CTNNA2: variants seen among roughly 807,000 people sequenced by gnomAD.
The protein encoded by CTNNA2 is catenin alpha-2.
In CTNNA2, 42 loss-of-function variants were observed where a neutral mutation model predicts 101.0. The ratio of observed to expected loss-of-function variants is 0.42; its 90% CI spans 0.32 to 0.54. The LOEUF (loss-of-function observed/expected upper bound fraction) is 0.54. Among genes scored for constraint, CTNNA2 ranks in the 20% least tolerant of loss-of-function variants. The pLI, the probability that CTNNA2 is intolerant of heterozygous loss-of-function variation, is 0.14. For missense variants in CTNNA2, 871 were observed against 1,223.1 expected, an observed-to-expected ratio of 0.71 and a Z score of 4.29; for synonymous variants, 450 against 456.4, an observed-to-expected ratio of 0.99 and a Z score of 0.18.
At chr2:80,630,339 C>G (rs1420473732) in intron 18 of CTNNA2, among the ~76,000 whole-genome samples, 3 of 152,062 alleles carry the variant, frequency 2.0e-5, no homozygotes, top group African/African-American at 4.8e-5. Context: ...TTTACCTAGT[C>G]TCTCTGTCTC....
intron 1 of CTNNA2, chr2:79,548,173 A>G (rs1380948825): frequency 6.6e-6 from 1 of 152,212 alleles, no homozygotes; most frequent in East Asian, 1.9e-4. Flanking sequence ...CCTGATGACC[A>G]CTAAACTAAA....
At chr2:79,401,271 A>G (rs778611236) in intron 4 of CTNNA2, among the ~76,000 whole-genome samples, 1 of 151,610 alleles carries the variant, frequency 6.6e-6, no homozygotes, top group Non-Finnish European at 1.5e-5. Context: ...ATACCCACAA[A>G]TTTGTTTTTA....
chr2:79,937,339 T>A (rs977959874), intron 7 of CTNNA2, among the ~76,000 whole-genome samples: 2 of 152,170 alleles, frequency 1.3e-5, no homozygotes, highest in African/African-American at 4.8e-5. Context: ...AATTTAGAAA[T>A]GAAATTTGAG....
intron 18 of CTNNA2, among the ~76,000 whole-genome samples, chr2:80,622,687 T>A (rs2149810481): frequency 6.6e-6 from 1 of 152,002 alleles, no homozygotes; most frequent in African/African-American, 2.4e-5. Flanking sequence ...TGCTGTAGAC[T>A]TGCAGAAGAT....
chr2:79,761,464 C>T (rs577286119), intron 3 of CTNNA2, among the ~76,000 whole-genome samples: 1 of 152,250 alleles, frequency 6.6e-6, no homozygotes, highest in Admixed American at 6.5e-5. Flanking sequence ...TCTCTTTGTA[C>T]TTGTGCTCTC....
chr2:79,917,204 T>TGG (rs1409824554), intron 7 of CTNNA2, among the ~76,000 whole-genome samples: 3 of 152,068 alleles, frequency 2.0e-5, no homozygotes, highest in Non-Finnish European at 4.4e-5. Context: ...GCCGAGTAGC[T>TGG]GGGACTACAG....
chr2:80,586,404 A>C (rs1368828413), intron 14 of CTNNA2: 2 of 152,122 alleles, frequency 1.3e-5, no homozygotes, highest in Non-Finnish European at 2.9e-5. Flanking sequence ...AGTTTTACGG[A>C]TTCTTTTTCA....
intron 9 of CTNNA2, among the ~76,000 whole-genome samples, chr2:80,491,792 A>G (rs1055320478): frequency 1.3e-5 from 2 of 152,160 alleles, no homozygotes; most frequent in African/African-American, 4.8e-5. Flanking sequence ...AGGACTCAGA[A>G]GTTTGATCTC....
intron 7 of CTNNA2, among the ~76,000 whole-genome samples, chr2:80,079,996 A>G (rs1427276069): frequency 6.6e-6 from 1 of 152,090 alleles, no homozygotes; most frequent in African/African-American, 2.4e-5. Context: ...TAGAATCAGG[A>G]TTTGATTAAA....
intron 7 of CTNNA2, among the ~76,000 whole-genome samples, chr2:80,356,921 C>T (rs1673870037): frequency 6.6e-6 from 1 of 152,172 alleles, no homozygotes; most frequent in South Asian, 2.1e-4. Flanking sequence ...CTATGGATCT[C>T]CTCAAAAGGC....
At position 80,569,631 on chromosome 2, in the gene CTNNA2, A is replaced by G. The variant is rs1451353752; in HGVS notation, c.1742-4532A>G. Among the ~76,000 whole-genome samples the G allele has an allele frequency of 2.7e-4, 12 of 43,828 alleles. No individual in the cohort carries two copies. In the East Asian group the frequency reaches 7.8e-3, roughly 28 times the overall value. 28.8% of individuals were successfully genotyped at this position (43,828 alleles called of 152,430 possible). ...TCTCAGTATTACTTTTGGGGTATTT[A>G]GGTTTTTTTTTTTTTTTTTTTTTTT... On this transcript the variant is annotated intron_variant, in intron 12 of 18. Transcript: ENST00000402739.
rs1042493242 is a variant in CTNNA2, at chr2:79,287,084, C to T, written c.-405-25625C>T. Among the ~76,000 whole-genome samples the T allele has an allele frequency of 2.4e-4, 37 of 152,292 alleles. 1 individual carries two copies. In the South Asian group the frequency reaches 5.4e-3, roughly 22 times the overall value. On this transcript the variant is annotated intron_variant, in intron 2 of 21. Transcript: ENST00000466387. ...ACTTCTGCATTCTTCACGTAGTTCT[C>T]GAGCCTTGGTTTTCAGCTCCATCAG... is the stretch of plus-strand genomic sequence containing the variant.
At chr2:79,443,170 T>C (rs1678795330) in intron 4 of CTNNA2, among the ~76,000 whole-genome samples, 1 of 152,148 alleles carries the variant, frequency 6.6e-6, no homozygotes, top group African/African-American at 2.4e-5. Flanking sequence ...TGAAGAATTC[T>C]GACAAAATTA....
At chr2:80,011,585 C>A (rs1349541488) in intron 7 of CTNNA2, among the ~76,000 whole-genome samples, 1 of 106,650 alleles carries the variant, frequency 9.4e-6, no homozygotes, top group Non-Finnish European at 2.4e-5. Context: ...AGATGAGTGT[C>A]CAGTGAGGGA....
intron 4 of CTNNA2, among the ~76,000 whole-genome samples, chr2:79,493,227 G>A (rs1284325196): frequency 3.3e-5 from 5 of 152,082 alleles, no homozygotes; most frequent in Non-Finnish European, 2.9e-5. Context: ...AGGAGGGAAG[G>A]GGAGGGGAGG....
chr2:80,539,491 G>T (rs766810967), intron 9 of CTNNA2, among the ~76,000 whole-genome samples: 1 of 151,814 alleles, frequency 6.6e-6, no homozygotes, highest in Non-Finnish European at 1.5e-5. Context: ...AATCTTGCAG[G>T]ATGGATAGTT....
chr2:80,186,734 A>G (rs1706155483), intron 7 of CTNNA2, among the ~76,000 whole-genome samples: 1 of 152,182 alleles, frequency 6.6e-6, no homozygotes, highest in Admixed American at 6.6e-5. Flanking sequence ...CTTATGAGTT[A>G]AATTAAATCA....
intron 3 of CTNNA2, among the ~76,000 whole-genome samples, chr2:79,846,996 A>G (rs191409595): frequency 1.3e-5 from 2 of 152,362 alleles, no homozygotes; most frequent in Admixed American, 1.3e-4. Context: ...TTGAATGATT[A>G]GTAGATATTT....
chr2:80,482,429 T>C (rs1052564428), intron 9 of CTNNA2, among the ~76,000 whole-genome samples: 5 of 152,208 alleles, frequency 3.3e-5, no homozygotes, highest in Admixed American at 6.5e-5. Context: ...CCTATTGTGA[T>C]CATTTTAGGC....
Sources: allele counts gnomAD v4.1 joint callset (sites outside exome capture counted in the v4.1 genomes callset), GRCh38; gene constraint gnomAD v4.1.1; transcripts MANE v1.5; gene names NCBI Gene and HGNC (gene_info 2026-07-23, HGNC 2026-07-21).